Variants in DTD2 observed in about 807,000 individuals in gnomAD.
DTD2 encodes D-aminoacyl-tRNA deacylase 2, also known as D-tyrosyl-tRNA deacylase 2 (putative).
Under a neutral mutation model 15.5 loss-of-function variants are expected in DTD2, and 12 were observed. The observed-to-expected ratio is 0.77, with a 90% confidence interval of 0.50 to 1.25. DTD2 has a LOEUF of 1.25. Ranked by LOEUF, DTD2 falls within the 50% of genes most tolerant of loss-of-function variation. The pLI, the probability that DTD2 is intolerant of heterozygous loss-of-function variation, is 0.00. For synonymous variants in DTD2, 59 were observed against 77.3 expected, an observed-to-expected ratio of 0.76 and a Z score of 1.24; for missense variants, 170 against 201.1, an observed-to-expected ratio of 0.85 and a Z score of 0.93.
chr14:31,452,186 C>T (rs970474999), intron 2 of DTD2: 2 of 152,192 alleles, frequency 1.3e-5, no homozygotes, highest in Non-Finnish European at 2.9e-5. Context: ...AGGAAGTGCA[C>T]ACATGGCTAA....
chr14:31,449,640 AAAG>A (rs2139360349), intron 2 of DTD2, among the ~76,000 whole-genome samples: 1 of 152,346 alleles, frequency 6.6e-6, no homozygotes, highest in East Asian at 1.9e-4. Context: ...ACAATAAGCA[AAAG>A]AAGTGTCTAA....
intron 2 of DTD2, among the ~76,000 whole-genome samples, chr14:31,448,662 G>T (rs1381009756): frequency 2.0e-5 from 3 of 152,140 alleles, no homozygotes; most frequent in African/African-American, 7.2e-5. Flanking sequence ...GCAGAAAATG[G>T]CATGATATTT....
chr14:31,457,210 G>A (rs1174778056), intron 1 of DTD2, 73 bp downstream of exon 1: 4 of 1,341,566 alleles, frequency 3.0e-6, no homozygotes, highest in South Asian at 1.3e-5. Flanking sequence ...CAGAGCGGAC[G>A]AGTCACCGAG....
chr14:31,456,898 TA>T (rs1308434692), intron 1 of DTD2: 1 of 187,896 alleles, frequency 5.3e-6, no homozygotes, highest in Non-Finnish European at 1.1e-5. Context: ...ATCTGAGGCG[TA>T]AGTCAAAGCA....
rs551569517 is a variant in DTD2, at chr14:31,447,701, A to G, written c.*428T>C. On this transcript the variant is annotated 3_prime_UTR_variant, in exon 3 of 3. Transcript: ENST00000310850. ...CTGGGCATGGTGGCATGCGCCTGTA[A>G]TCCCAGCTACTTGGGAGGCTGAGGC... 178 of 155,528 alleles carry G rather than the reference A, an allele frequency of 1.1e-3. No homozygotes were observed. The highest frequency in any genetic ancestry group is 4.0e-3 in the African/African-American group (168 of 41,488). 9.6% of individuals were successfully genotyped at this position (155,528 alleles called of 1,614,324 possible).
intron 2 of DTD2, chr14:31,452,936 C>T (rs1044949138): frequency 6.1e-6 from 1 of 165,078 alleles, no homozygotes; most frequent in Non-Finnish European, 1.3e-5. Context: ...CTTTCTCACT[C>T]TCTTTTTTTT....
At chr14:31,454,663 TTC>T in intron 1 of DTD2, among the ~76,000 whole-genome samples, 1 of 152,252 alleles carries the variant, frequency 6.6e-6, no homozygotes, top group East Asian at 1.9e-4. Context: ...TACCTGTTCT[TTC>T]CACTAACATT....
chr14:31,456,367 C>G (rs1489380354), intron 1 of DTD2, among the ~76,000 whole-genome samples: 2 of 151,782 alleles, frequency 1.3e-5, no homozygotes, highest in African/African-American at 2.4e-5. Flanking sequence ...GCCTGGGCGA[C>G]AGATCGAGAA....
At chr14:31,451,448 T>A (rs552030262) in intron 2 of DTD2, among the ~76,000 whole-genome samples, 82 of 150,936 alleles carry the variant, frequency 5.4e-4, no homozygotes, top group African/African-American at 1.9e-3. Context: ...GCGCCTGGCC[T>A]CTCTCTCTCT....
chr14:31,455,889 T>C (rs542984635), intron 1 of DTD2, among the ~76,000 whole-genome samples: 13 of 151,912 alleles, frequency 8.6e-5, no homozygotes, highest in African/African-American at 3.1e-4. Flanking sequence ...TTAGATAGGA[T>C]GGCAAAATAA....
In DTD2 at chr14:31,446,469, CTATCT is replaced by C. The variant is rs2031959894; in HGVS notation, c.*1655_*1659del. ...TTGAAAAGTTTACCTTACTAGCTGTCTATCTTATATCACTGTCGTAGCTCAGACTG... is the reference window on the plus strand; with the variant it reads ...TTGAAAAGTTTACCTTACTAGCTGTCTATATCACTGTCGTAGCTCAGACTG... On this transcript the variant is annotated 3_prime_UTR_variant, in exon 3 of 3. Coordinates refer to ENST00000310850, the MANE Select transcript of DTD2 (RefSeq NM_080664.3). 6.6e-6 allele frequency: 1 copy of C among 152,166 alleles called. No homozygotes were observed. 9.4% of individuals were successfully genotyped at this position (152,166 alleles called of 1,614,324 possible). A position where few individuals can be genotyped will look rare whatever the true frequency, so the allele number is the denominator to read the frequency against.
At chr14:31,453,191 G>T in intron 2 of DTD2, 84 bp downstream of exon 2, 1 of 1,330,720 alleles carries the variant, frequency 7.5e-7, no homozygotes, top group Non-Finnish European at 1.1e-6. Context: ...CACTTGCCTT[G>T]GCCTCCCAAC....
chr14:31,456,149 T>G (rs2032092432), intron 1 of DTD2, among the ~76,000 whole-genome samples: 1 of 152,016 alleles, frequency 6.6e-6, no homozygotes, highest in Non-Finnish European at 1.5e-5. Context: ...TCCCAGCAGT[T>G]TGGGAGGCTG....
Position 31,446,873 on chromosome 14 carries a change from G to A in DTD2, c.*1256C>T, listed in dbSNP as rs983606454. The A allele has an allele frequency of 2.0e-5, 3 of 152,058 alleles. No individual in the cohort carries two copies. Among genetic ancestry groups the A allele is most frequent in the African/African-American group, 7.2e-5 (3 of 41,390 alleles). 9.4% of individuals were successfully genotyped at this position (152,058 alleles called of 1,614,324 possible). On this transcript the variant is annotated 3_prime_UTR_variant, in exon 3 of 3. Coordinates refer to ENST00000310850, the MANE Select transcript of DTD2 (RefSeq NM_080664.3). The stretch of plus-strand genomic sequence containing the variant: ...CCCTTTTACAGCAATCTAATTCAAT[G>A]GAAAAGGAACTTCTTAAACAATTTA...
chr14:31,447,829 A>AG lies in DTD2; in HGVS notation c.*299_*300insC. The AG allele has an allele frequency of 2.6e-5, 6 of 231,860 alleles. No homozygotes were observed. The highest frequency in any genetic ancestry group is 1.1e-4 in the South Asian group (1 of 9,108). 14.4% of individuals were successfully genotyped at this position (231,860 alleles called of 1,614,324 possible). Reference sequence around the variant, plus strand: ...AGCAAGACTCCATCTCAAAAAAAAAACAAAAACAAAAAAACAATTAAGAAC... The same window carrying AG: ...AGCAAGACTCCATCTCAAAAAAAAAAGCAAAAACAAAAAAACAATTAAGAAC... On this transcript the variant is annotated 3_prime_UTR_variant, in exon 3 of 3. Coordinates refer to ENST00000310850, the MANE Select transcript of DTD2 (RefSeq NM_080664.3).
At chr14:31,453,232 T>G in intron 2 of DTD2, 43 bp downstream of exon 2, 1 of 1,586,302 alleles carries the variant, frequency 6.3e-7, no homozygotes, top group Non-Finnish European at 8.7e-7. Flanking sequence ...AGCACCATGC[T>G]TGGCCTCTCA....
intron 1 of DTD2, 114 bp downstream of exon 1, chr14:31,457,169 G>A (rs760959398): frequency 2.5e-5 from 26 of 1,019,692 alleles, no homozygotes; most frequent in Non-Finnish European, 3.2e-5. Context: ...CGGTATCCCC[G>A]CGGCCGGACC....
chr14:31,453,593 C>A (rs1395758763), intron 1 of DTD2, among the ~76,000 whole-genome samples: 1 of 152,204 alleles, frequency 6.6e-6, no homozygotes, highest in African/African-American at 2.4e-5. Flanking sequence ...TACCTTCAAA[C>A]ATTTATTTCT....
At chr14:31,448,570 T>A in intron 2 of DTD2, 116 bp from the exon 3 acceptor site, 1 of 824,662 alleles carries the variant, frequency 1.2e-6, no homozygotes, top group Non-Finnish European at 1.9e-6. Context: ...CTCATGCCTC[T>A]AACCCAAAGT....
Sources: gnomAD v4.1 joint callset for allele counts (sites outside exome capture counted in the v4.1 genomes callset) on GRCh38, gnomAD v4.1.1 for gene constraint, MANE v1.5 for transcripts, NCBI Gene and HGNC (gene_info 2026-07-23, HGNC 2026-07-21) for gene names.